Variants in ASB14 observed in about 807,000 individuals in gnomAD.
The protein encoded by ASB14 is ankyrin repeat and SOCS box containing 14, also known as ankyrin repeat and SOCS box protein 14.
Under a neutral mutation model 55.6 loss-of-function variants are expected in ASB14, and 63 were observed. The observed-to-expected ratio is 1.13, with a 90% CI of 0.92 to 1.40. ASB14 has a LOEUF of 1.40. Ranked by LOEUF, ASB14 falls within the 40% of genes most tolerant of loss-of-function variation. The probability of loss-of-function intolerance (pLI) is 0.00; values close to 1 mark genes in which losing one functional copy is unlikely to be tolerated. For synonymous variants in ASB14, 256 were observed against 259.9 expected, an observed-to-expected ratio of 0.98 and a Z score of 0.15; for missense variants, 724 against 710.4, an observed-to-expected ratio of 1.02 and a Z score of -0.22.
In ASB14 at chr3:57,291,573, C is replaced by T. The variant is rs191717229; in HGVS notation, c.122+339G>A. Among the ~76,000 whole-genome samples, 13 of 152,282 alleles carry T rather than the reference C, an allele frequency of 8.5e-5. No individual in the cohort carries two copies. The South Asian group carries it at 1.2e-3, about 15-fold the overall frequency. On this transcript the variant is annotated intron_variant, in intron 2 of 10. Coordinates refer to ENST00000487349, the MANE Select transcript of ASB14 (RefSeq NM_001142733.3). ...AAGATAACTAACTTTCTATGTGTCC[C>T]GGTTGGATTTATGCATTTCTTCAAT...
intron 6 of ASB14, among the ~76,000 whole-genome samples, chr3:57,282,047 A>G (rs2107624604): frequency 6.6e-6 from 1 of 152,352 alleles, no homozygotes; most frequent in Non-Finnish European, 1.5e-5. Flanking sequence ...TGATCTATAC[A>G]AAAGGTTACT....
intron 6 of ASB14, 54 bp from the exon 7 acceptor site, chr3:57,280,527 T>C: frequency 6.8e-7 from 1 of 1,470,810 alleles, no homozygotes; most frequent in Non-Finnish European, 9.2e-7. Flanking sequence ...CTGTATTTCT[T>C]GAGCAATCTT....
At chr3:57,287,461 A>G (rs1348020896) in intron 5 of ASB14, among the ~76,000 whole-genome samples, 1 of 152,104 alleles carries the variant, frequency 6.6e-6, no homozygotes, top group Non-Finnish European at 1.5e-5. Context: ...CTCACCTAAA[A>G]TTCCGTGGTC....
Position 57,287,956 on chromosome 3 carries a change from GAGA to G in ASB14, c.411_413del (p.Leu138del), listed in dbSNP as rs1310442588. On this transcript the variant is annotated inframe_deletion, in exon 5 of 11. Coordinates refer to ENST00000487349, the MANE Select transcript of ASB14 (RefSeq NM_001142733.3). ...TCTTAGCATTTGGATTGCAGCCATT[GAGA>G]AGAAGAAAAGTGGCATTTTCTAAGA... is the stretch of plus-strand genomic sequence containing the variant. 2.5e-5 allele frequency: 38 copies of G among 1,537,284 alleles called. No individual in the cohort carries two copies. The highest frequency in any genetic ancestry group is 3.1e-5 in the Non-Finnish European group (36 of 1,146,912).
chr3:57,275,671 T>C (rs2060979896), intron 10 of ASB14, among the ~76,000 whole-genome samples: 1 of 152,110 alleles, frequency 6.6e-6, no homozygotes, highest in African/African-American at 2.4e-5. Context: ...TGTGGATACC[T>C]ACTGAGAGAT....
intron 3 of ASB14, among the ~76,000 whole-genome samples, chr3:57,288,810 GT>G (rs1374965624): frequency 5.5e-5 from 8 of 144,638 alleles, no homozygotes; most frequent in African/African-American, 2.0e-4. Flanking sequence ...CATCTCCTGG[GT>G]TCAAGCAATT....
rs34419265 is a variant in ASB14, at chr3:57,289,687, CTTTTTTTTTT to C, written c.123-574_123-565del. 3.0e-5 allele frequency among the ~76,000 whole-genome samples: 3 copies of C among 100,338 alleles called. No individual in the cohort carries two copies. The South Asian group carries it at 1.3e-3, about 43-fold the overall frequency. The allele number at this position is 100,338 out of a possible 152,430, so 65.8% of individuals were successfully genotyped here. ...CAAATAAGGATTGTCACCTTCCATT[CTTTTTTTTTT>C]TTTTTTTTTTTTTGAGATGGAGTCT... On this transcript the variant is annotated intron_variant, in intron 2 of 10. Transcript: ENST00000487349.
In ASB14 at chr3:57,278,660, T is replaced by C. The variant is rs747453577; in HGVS notation, c.1148A>G (p.Asn383Ser). The C allele has an allele frequency of 1.9e-5, 31 of 1,614,086 alleles. No homozygotes were observed. In the Admixed American group the frequency reaches 4.0e-4, roughly 21 times the overall value. ...CTGGAGGCAGTTAACCGGGTCTTGA[T>C]TAGGCAGAGCTCCAGCACTCAGAAG... Reference protein sequence around the residue: ...KLLLSAGALPNQDPVNCLQIA... With the variant: ...KLLLSAGALPSQDPVNCLQIA... Residue 383 changes from asparagine (N) to serine (S), a missense_variant, in exon 8 of 11, where the codon AAT becomes AGT. Physicochemically the swap from Asn to Ser is conservative, Grantham distance 46. Transcript: ENST00000487349.
chr3:57,291,991 C>G lies in ASB14; in HGVS notation c.43G>C (p.Asp15His). The change falls in exon 2 of 11, where the codon GAC becomes CAC. Residue 15 changes from aspartate (D) to histidine (H), a missense_variant. Physicochemically the swap from Asp to His is moderately conservative, Grantham distance 81 (BLOSUM62 -1). Transcript: ENST00000487349. ...TSDEDIDEDFDTQLIIQQSLQ... is the reference protein window; with the variant it reads ...TSDEDIDEDFHTQLIIQQSLQ... ...CTCTGTTGAATGATGAGCTGGGTGT[C>G]AAAGTCTTCATCTATGTCTTCATCG... 6 of 1,534,980 alleles carry G rather than the reference C, an allele frequency of 3.9e-6. No individual in the cohort carries two copies. The highest frequency in any genetic ancestry group is 5.2e-6 in the Non-Finnish European group (6 of 1,144,822).
At chr3:57,271,231 A>G (rs2060937029) in intron 10 of ASB14, 1 of 152,474 alleles carries the variant, frequency 6.6e-6, no homozygotes, top group Admixed American at 6.6e-5. Context: ...TTCACACTGT[A>G]TATGTACATT....
chr3:57,282,188 T>C (rs964052644), intron 6 of ASB14, among the ~76,000 whole-genome samples: 30 of 152,116 alleles, frequency 2.0e-4, no homozygotes, highest in African/African-American at 6.3e-4. Context: ...GCAACTAGCC[T>C]CCCCTATATG....
chr3:57,278,772 GATCCAGCATGAAGTTCACATCAA>G lies in ASB14; in HGVS notation c.1013_1035del (p.Phe338SerfsTer4). 1 of 1,613,290 alleles carries G rather than the reference GATCCAGCATGAAGTTCACATCAA, an allele frequency of 6.2e-7. No individual in the cohort carries two copies. The highest frequency in any genetic ancestry group is 1.3e-5 in the African/African-American group (1 of 74,980). On this transcript the variant is annotated frameshift_variant, in exon 8 of 11. Coordinates refer to ENST00000487349, the MANE Select transcript of ASB14 (RefSeq NM_001142733.3). LOFTEE classifies it high-confidence loss of function. The stretch of plus-strand genomic sequence containing the variant: ...TCATCGTAGTGTTTGTTAATTCTCT[GATCCAGCATGAAGTTCACATCAA>G]ATCCAGCCTGGATGAGGAGTTCCAG...
At chr3:57,284,035 G>T (rs2061059631) in intron 5 of ASB14, among the ~76,000 whole-genome samples, 1 of 149,438 alleles carries the variant, frequency 6.7e-6, no homozygotes, top group Admixed American at 6.7e-5. Flanking sequence ...GTAAGGAAAT[G>T]TAAAGAAAAT....
At chr3:57,290,915 A>T (rs1318949133) in intron 2 of ASB14, among the ~76,000 whole-genome samples, 1 of 152,234 alleles carries the variant, frequency 6.6e-6, no homozygotes, top group Non-Finnish European at 1.5e-5. Context: ...AAAGTATAGG[A>T]ATAGTGTGTG....
In ASB14 at chr3:57,278,427, G is replaced by C; in HGVS notation, c.1381C>G (p.Pro461Ala). 1 of 1,614,168 alleles carries C rather than the reference G, an allele frequency of 6.2e-7. No individual in the cohort carries two copies. Among genetic ancestry groups the C allele is most frequent in the Non-Finnish European group, 8.5e-7 (1 of 1,180,022 alleles). Residue 461 changes from proline to alanine, a missense_variant, in exon 8 of 11, where the codon CCT becomes GCT. Physicochemically the swap from Pro to Ala is conservative, Grantham distance 27. Transcript: ENST00000487349. ...FDCPHGDKVH[P>A]SYTVEGWTST... Reference sequence around the variant, plus strand: ...GTCCAGCCTTCAACAGTATAGGAAGGATGGACTTTGTCTCCATGTGGGCAA... The same window carrying C: ...GTCCAGCCTTCAACAGTATAGGAAGCATGGACTTTGTCTCCATGTGGGCAA...
chr3:57,289,036 T>TA, intron 3 of ASB14, 32 bp downstream of exon 3: 1 of 1,447,916 alleles, frequency 6.9e-7, no homozygotes. Flanking sequence ...CGTCACATCT[T>TA]ACCACAAGTT....
At chr3:57,289,957 CTAAT>C (rs1369810347) in intron 2 of ASB14, among the ~76,000 whole-genome samples, 2 of 152,122 alleles carry the variant, frequency 1.3e-5, no homozygotes, top group South Asian at 2.1e-4. Context: ...ACCTTCCACT[CTAAT>C]TATTTAACGA....
intron 5 of ASB14, among the ~76,000 whole-genome samples, chr3:57,284,450 C>T (rs1289339246): frequency 2.6e-5 from 4 of 152,184 alleles, no homozygotes; most frequent in South Asian, 4.1e-4. Context: ...TTCTATCACC[C>T]TCTTCAAGAT....
intron 2 of ASB14, 67 bp from the exon 3 acceptor site, chr3:57,289,190 CAAAAG>C (rs2107630217): frequency 1.8e-6 from 2 of 1,107,520 alleles, no homozygotes; most frequent in Admixed American, 2.0e-5. Context: ...TGATATAAAT[CAAAAG>C]GAAAGGGTAA....
Sources: gnomAD v4.1 joint callset for allele counts (sites outside exome capture counted in the v4.1 genomes callset) on GRCh38, gnomAD v4.1.1 for gene constraint, MANE v1.5 for transcripts, NCBI Gene and HGNC (gene_info 2026-07-23, HGNC 2026-07-21) for gene names.